PRP4K: variants seen among roughly 807,000 people sequenced by gnomAD.
The protein encoded by PRP4K is pre-mRNA processing factor kinase PRP4K.
At chr6:4,030,505 TTTAAAG>T in the PRP4K span, among the ~76,000 whole-genome samples, 1 of 152,200 alleles carries the variant, frequency 6.6e-6, no homozygotes, top group African/African-American at 2.4e-5. Flanking sequence ...TGGAGTAACT[TTTAAAG>T]AGAAAGTTAA....
At chr6:4,059,298 C>T in the PRP4K span, among the ~76,000 whole-genome samples, 12,680 of 152,234 alleles carry the variant, frequency 0.083, 598 homozygotes, top group Middle Eastern at 0.23. Context: ...AGAAGGCGTG[C>T]TGGTTCAGAC....
the PRP4K span, among the ~76,000 whole-genome samples, chr6:4,048,015 G>C: frequency 6.6e-6 from 1 of 151,984 alleles, no homozygotes. Context: ...CAGTTTTGGT[G>C]TCAGTACTCA....
chr6:4,032,069 T>C, the PRP4K span: 1 of 1,613,794 alleles, frequency 6.2e-7, no homozygotes, highest in South Asian at 1.1e-5. Flanking sequence ...AGAAACGAAG[T>C]AAAAGCAGAT....
the PRP4K span, among the ~76,000 whole-genome samples, chr6:4,039,712 A>G: frequency 1.3e-5 from 2 of 152,164 alleles, no homozygotes; most frequent in African/African-American, 4.8e-5. Flanking sequence ...TTGGACCAAT[A>G]TTCAGCTCAA....
the PRP4K span, chr6:4,061,994 C>T: frequency 2.0e-5 from 3 of 152,366 alleles, no homozygotes; most frequent in African/African-American, 4.8e-5. Flanking sequence ...TTGTTTTTTT[C>T]CTGAAAGTTT....
the PRP4K span, chr6:4,064,458 AT>A: frequency 6.6e-6 from 1 of 152,618 alleles, no homozygotes; most frequent in African/African-American, 2.4e-5. Flanking sequence ...ACATGATAAA[AT>A]TTAGGCGAAG....
the PRP4K span, among the ~76,000 whole-genome samples, chr6:4,038,034 A>C: frequency 1.3e-5 from 2 of 152,304 alleles, no homozygotes; most frequent in East Asian, 3.9e-4. Context: ...AATAGGTTAA[A>C]AAGGTGGTTT....
At chr6:4,024,892 C>T in the PRP4K span, among the ~76,000 whole-genome samples, 1 of 152,204 alleles carries the variant, frequency 6.6e-6, no homozygotes, top group African/African-American at 2.4e-5. Context: ...TCATAAGCCA[C>T]TGCACCTGAC....
chr6:4,040,383 C>T, the PRP4K span, among the ~76,000 whole-genome samples: 1 of 152,152 alleles, frequency 6.6e-6, no homozygotes, highest in Non-Finnish European at 1.5e-5. Flanking sequence ...CCTTTTCGGT[C>T]TCTCCCTTCA....
chr6:4,052,252 TTTG>T, the PRP4K span, among the ~76,000 whole-genome samples: 2,360 of 151,614 alleles, frequency 0.016, 149 homozygotes, highest in Admixed American at 0.12. Context: ...ACAGCTAGTC[TTTG>T]TTGTTGTTGT....
chr6:4,059,634 A>C, the PRP4K span, among the ~76,000 whole-genome samples: 1 of 89,216 alleles, frequency 1.1e-5, no homozygotes, highest in African/African-American at 4.8e-5. Flanking sequence ...GCTAACTTGG[A>C]GTTGACTTTT....
the PRP4K span, among the ~76,000 whole-genome samples, chr6:4,044,782 T>C: frequency 6.6e-6 from 1 of 152,046 alleles, no homozygotes; most frequent in South Asian, 2.1e-4. Flanking sequence ...ATATTGGCCT[T>C]TTCCTTTACA....
chr6:4,053,437 C>T, the PRP4K span, among the ~76,000 whole-genome samples: 17 of 152,018 alleles, frequency 1.1e-4, no homozygotes, highest in African/African-American at 4.1e-4. Flanking sequence ...TTTTCCTGAT[C>T]CTCTCCCATC....
chr6:4,038,896 T>A, the PRP4K span, among the ~76,000 whole-genome samples: 1 of 149,990 alleles, frequency 6.7e-6, no homozygotes, highest in Admixed American at 6.7e-5. Flanking sequence ...AGGGAGTTTA[T>A]GGCCTTCTGG....
chr6:4,062,315 A>ATG, the PRP4K span: 1 of 152,662 alleles, frequency 6.6e-6, no homozygotes, highest in East Asian at 1.9e-4. The surrounding 1 kb of genome is among the most constrained non-coding windows in gnomAD (Gnocchi z 4.2). Flanking sequence ...TTCTGACAGC[A>ATG]TGTGTAGATA....
the PRP4K span, among the ~76,000 whole-genome samples, chr6:4,033,121 T>C: frequency 6.6e-6 from 1 of 152,192 alleles, no homozygotes; most frequent in Admixed American, 6.5e-5. Flanking sequence ...CAGTGTAGGC[T>C]GAAACTCTTA....
At chr6:4,036,383 G>A in the PRP4K span, among the ~76,000 whole-genome samples, 1 of 152,056 alleles carries the variant, frequency 6.6e-6, no homozygotes, top group South Asian at 2.1e-4. Context: ...CACCACACTT[G>A]GCTAATTTTG....
chr6:4,052,312 A>G, the PRP4K span, among the ~76,000 whole-genome samples: 1 of 152,132 alleles, frequency 6.6e-6, no homozygotes, highest in Non-Finnish European at 1.5e-5. Context: ...CTCCCGGAGT[A>G]CAGTGGTGCA....
chr6:4,046,608 T>C, the PRP4K span, among the ~76,000 whole-genome samples: 2 of 152,146 alleles, frequency 1.3e-5, no homozygotes, highest in African/African-American at 4.8e-5. Context: ...GCTTAGCTAT[T>C]AGCTTATTCA....
Sources: gnomAD v4.1 joint callset for allele counts (sites outside exome capture counted in the v4.1 genomes callset) on GRCh38, gnomAD v4.1.1 for gene constraint, Gnocchi (gnomAD v3.1) non-coding constraint, MANE v1.5 for transcripts, NCBI Gene and HGNC (gene_info 2026-07-23, HGNC 2026-07-21) for gene names.